NR3C1: variants seen among roughly 807,000 people sequenced by gnomAD.
NR3C1 encodes nuclear receptor subfamily 3 group C member 1.
A neutral mutation model predicts 74.0 loss-of-function variants in NR3C1; 14 were observed. The ratio of observed to expected loss-of-function variants is 0.19; its 90% confidence interval spans 0.12 to 0.30. NR3C1 has a LOEUF of 0.30. NR3C1 is among the 10% of genes least tolerant of loss of function. NR3C1 has a pLI of 1.00. For synonymous variants in NR3C1, 308 were observed against 332.5 expected (o/e 0.93, Z 0.80); for missense variants, 695 against 909.8 (o/e 0.76, Z 3.04).
chr5:143,381,710 G>A (rs1052171334), intron 2 of NR3C1, among the ~76,000 whole-genome samples: 1 of 152,064 alleles, frequency 6.6e-6, no homozygotes, highest in South Asian at 2.1e-4. Flanking sequence ...AAATGGTGCT[G>A]GGAAAACTGG....
At chr5:143,285,788 C>A (rs1463278633) in intron 7 of NR3C1, among the ~76,000 whole-genome samples, 1 of 151,872 alleles carries the variant, frequency 6.6e-6, no homozygotes, top group Non-Finnish European at 1.5e-5. Context: ...GCATTAAAAG[C>A]TTTGATTAGA....
chr5:143,283,609 G>A (rs1186685399), intron 7 of NR3C1, among the ~76,000 whole-genome samples: 1 of 152,084 alleles, frequency 6.6e-6, no homozygotes, highest in Non-Finnish European at 1.5e-5. Context: ...TTTTAATGTA[G>A]CTAATAGATA....
At chr5:143,415,603 C>G (rs2151957151) in intron 1 of NR3C1, among the ~76,000 whole-genome samples, 1 of 152,272 alleles carries the variant, frequency 6.6e-6, no homozygotes, top group African/African-American at 2.4e-5. Context: ...ATCTTTTCAT[C>G]TTTTCAATAT....
At chr5:143,367,943 G>C (rs1268205708) in intron 2 of NR3C1, among the ~76,000 whole-genome samples, 1 of 152,122 alleles carries the variant, frequency 6.6e-6, no homozygotes, top group East Asian at 1.9e-4. Context: ...TATAGGCAAA[G>C]TAATCTTAAA....
intron 4 of NR3C1, among the ~76,000 whole-genome samples, chr5:143,302,569 C>A (rs1297934108): frequency 1.3e-5 from 2 of 151,744 alleles, no homozygotes; most frequent in Non-Finnish European, 1.5e-5. Context: ...CACATTAGAA[C>A]AAGGAAGAAA....
chr5:143,386,993 T>C (rs1837346735), intron 2 of NR3C1, among the ~76,000 whole-genome samples: 1 of 152,104 alleles, frequency 6.6e-6, no homozygotes, highest in Non-Finnish European at 1.5e-5. Flanking sequence ...ATACTGAAAG[T>C]GGTGTTCTAG....
At chr5:143,298,568 G>A (rs1817804087) in intron 6 of NR3C1, 100 bp downstream of exon 6, 3 of 1,309,380 alleles carry the variant, frequency 2.3e-6, no homozygotes, top group Non-Finnish European at 3.3e-6. Flanking sequence ...TAGTAGGATT[G>A]TTTCAGTCCT....
At chr5:143,297,075 C>CAAAAAAAAA (rs766243522) in intron 6 of NR3C1, among the ~76,000 whole-genome samples, 1 of 60,630 alleles carries the variant, frequency 1.6e-5, no homozygotes, top group Non-Finnish European at 3.3e-5. Context: ...AGACTCGTCT[C>CAAAAAAAAA]AAAAAAAAAA....
chr5:143,298,359 A>T (rs1398433264), intron 6 of NR3C1, among the ~76,000 whole-genome samples: 1 of 152,156 alleles, frequency 6.6e-6, no homozygotes, highest in Non-Finnish European at 1.5e-5. Flanking sequence ...TTCTTTCTGG[A>T]ATAGGGTTAT....
chr5:143,400,539 C>G lies in NR3C1; in HGVS notation c.301G>C (p.Asp101His). The G allele has an allele frequency of 6.2e-7, 1 of 1,614,234 alleles. No individual in the cohort carries two copies. Residue 101 changes from aspartate to histidine, a missense_variant, in exon 2 of 9, where the codon GAC becomes CAC. By Grantham distance (81) the Asp-to-His change is moderately conservative. This residue lies in a region of NR3C1 where 497 missense variants were observed against 489.5 expected (regional missense o/e 1.02). Transcript: ENST00000394464. ...TGGCCCTGCTGTGGGAATCCCAGGT[C>G]ATTTCCCATCACTTTTGTTTCTGTC... Reference protein sequence around the residue: ...GETETKVMGNDLGFPQQGQIS... With the variant: ...GETETKVMGNHLGFPQQGQIS...
intron 2 of NR3C1, among the ~76,000 whole-genome samples, chr5:143,388,049 T>C (rs1741492167): frequency 6.6e-6 from 1 of 152,244 alleles, no homozygotes; most frequent in African/African-American, 2.4e-5. Flanking sequence ...ACTATGTTAC[T>C]GCCTTGAGCA....
intron 1 of NR3C1, among the ~76,000 whole-genome samples, chr5:143,415,006 C>T (rs969092566): frequency 1.1e-4 from 16 of 151,956 alleles, no homozygotes; most frequent in South Asian, 2.1e-4. Flanking sequence ...CAAGAAAAAT[C>T]GTTATCTTTG....
chr5:143,321,524 C>T (rs1382731537), intron 2 of NR3C1, among the ~76,000 whole-genome samples: 4 of 152,178 alleles, frequency 2.6e-5, no homozygotes, highest in African/African-American at 9.7e-5. Context: ...GCTTCTCTTT[C>T]CATTCTATCC....
chr5:143,307,117 C>T (rs569350220), intron 4 of NR3C1, among the ~76,000 whole-genome samples: 2 of 152,068 alleles, frequency 1.3e-5, no homozygotes, highest in South Asian at 4.2e-4. Context: ...AGGATAGTCT[C>T]GATCTCCTGA....
chr5:143,428,478 C>T lies in NR3C1; in HGVS notation c.-14+6054G>A, dbSNP rs34123577. ...TGTGCTAGAGTTCCACAAGGTCTTT[C>T]CTCCCTGACTCCTTCTGCCTTTCCA... On this transcript the variant is annotated intron_variant, in intron 1 of 8. Coordinates refer to the NR3C1 transcript ENST00000343796. 9.7e-3 allele frequency among the ~76,000 whole-genome samples: 1,482 copies of T among 152,336 alleles called. 29 individuals are homozygous for T. Among genetic ancestry groups the T allele is most frequent in the African/African-American group, 0.034 (1,394 of 41,570 alleles).
chr5:143,325,839 C>T (rs1824484700), intron 2 of NR3C1, among the ~76,000 whole-genome samples: 1 of 151,870 alleles, frequency 6.6e-6, no homozygotes, highest in South Asian at 2.1e-4. Flanking sequence ...TAACCTTACC[C>T]CTAGAAGATC....
At chr5:143,403,759 G>C, upstream of NR3C1, 2 of 984,368 alleles carry the variant, frequency 2.0e-6, no homozygotes, top group Non-Finnish European at 2.4e-6. Flanking sequence ...GAGGGGCCGC[G>C]CGGCGGCCGC....
intron 3 of NR3C1, among the ~76,000 whole-genome samples, chr5:143,313,545 GA>G (rs199912942): frequency 6.4e-4 from 93 of 145,052 alleles, no homozygotes; most frequent in East Asian, 1.4e-3. Context: ...TGGCTTAATA[GA>G]AAAAAAAAAT....
At position 143,300,706 on chromosome 5, in the gene NR3C1, T is replaced by C; in HGVS notation, c.1526A>G (p.Gln509Arg). The change falls in exon 5 of 9, where the codon CAA becomes CGA. Residue 509 changes from glutamine to arginine, a missense_variant. This residue lies in a region of NR3C1 where 42 missense variants were observed against 49.3 expected (regional missense o/e 0.85). Transcript: ENST00000394464. The surrounding 1 kb of genome is among the most constrained non-coding windows in gnomAD (Gnocchi z 5.2). Reference protein sequence around the residue: ...GIQQATTGVSQETSENPGNKT... With the variant: ...GIQQATTGVSRETSENPGNKT... ...GTTACCAGGATTTTCAGAGGTTTCTTGTGAGACTCCTGTAGTGGCCTGCTG... is the reference window on the plus strand; with the variant it reads ...GTTACCAGGATTTTCAGAGGTTTCTCGTGAGACTCCTGTAGTGGCCTGCTG... The C allele has an allele frequency of 1.2e-6, 2 of 1,614,198 alleles. No individual in the cohort carries two copies. The highest frequency in any genetic ancestry group is 3.3e-5 in the Admixed American group (2 of 60,026).
Sources: allele counts gnomAD v4.1 joint callset (sites outside exome capture counted in the v4.1 genomes callset), GRCh38; gene constraint gnomAD v4.1.1; regional missense constraint gnomAD v4.1.1; non-coding constraint Gnocchi (gnomAD v3.1); transcripts MANE v1.5; gene names NCBI Gene and HGNC (gene_info 2026-07-23, HGNC 2026-07-21).